The following TCF12 variants were observed in gnomAD, a reference collection of about 807,000 sequenced individuals.
The protein encoded by TCF12 is DNA-binding protein HTF4.
A neutral mutation model predicts 86.0 loss-of-function variants in TCF12; 45 were observed. The observed-to-expected ratio is 0.52, with a 90% confidence interval of 0.41 to 0.67. The LOEUF is 0.67. TCF12 is among the 30% of genes least tolerant of loss of function. TCF12 has a pLI of 0.00. For missense variants in TCF12, 881 were observed against 859.9 expected (o/e 1.02, Z -0.31); for synonymous variants, 330 against 299.6 (o/e 1.10, Z -1.05).
rs71478620 is a variant in TCF12 at position 57,241,196 on chromosome 15, C to T, written c.1036-2276C>T. Among the ~76,000 whole-genome samples the T allele has an allele frequency of 9.3e-4, 141 of 151,992 alleles. 1 individual carries two copies. The highest frequency in any genetic ancestry group is 3.4e-3 in the Middle Eastern group (1 of 294). On this transcript the variant is annotated intron_variant, in intron 12 of 20. Transcript: ENST00000333725. ...GAAACCTCCACCTCCCAGATTCAAGCGATTCTCCTGCCTCAGACCCCGCGA... is the reference window on the plus strand; with the variant it reads ...GAAACCTCCACCTCCCAGATTCAAGTGATTCTCCTGCCTCAGACCCCGCGA...
chr15:57,148,519 G>T (rs2053525995), intron 5 of TCF12, among the ~76,000 whole-genome samples: 1 of 151,926 alleles, frequency 6.6e-6, no homozygotes, highest in African/African-American at 2.4e-5. Flanking sequence ...TCAGTGGGAG[G>T]GAACTTGGAA....
rs1481613947 is a variant in TCF12, at chr15:57,288,436, T to A, written c.*2291T>A. ...CAGCAGCAAGAAGTTCAAATTTTTT[T>A]CTGTCACTGTAACAGAAAACACAAT... is the stretch of plus-strand genomic sequence containing the variant. On this transcript the variant is annotated 3_prime_UTR_variant, in exon 21 of 21. Transcript: ENST00000333725. 6.5e-6 allele frequency: 1 copy of A among 152,676 alleles called. No homozygotes were observed. The highest frequency in any genetic ancestry group is 1.5e-5 in the Non-Finnish European group (1 of 68,044). The allele number at this position is 152,676 out of a possible 1,614,324, so 9.5% of individuals were successfully genotyped here.
intron 6 of TCF12, among the ~76,000 whole-genome samples, chr15:57,188,603 A>G (rs2056811139): frequency 6.6e-6 from 1 of 152,200 alleles, no homozygotes; most frequent in African/African-American, 2.4e-5. Flanking sequence ...CATATAGACC[A>G]ATGGGATAGA....
intron 3 of TCF12, among the ~76,000 whole-genome samples, chr15:56,930,514 A>T (rs183021598): frequency 1.3e-5 from 2 of 152,294 alleles, no homozygotes; most frequent in Non-Finnish European, 2.9e-5. Context: ...ACATACTCGG[A>T]TTTTAGAAAA....
At chr15:57,061,645 A>G (rs1371892776) in intron 3 of TCF12, among the ~76,000 whole-genome samples, 1 of 152,190 alleles carries the variant, frequency 6.6e-6, no homozygotes, top group African/African-American at 2.4e-5. Context: ...CCTCATATTT[A>G]TTAGTCATTT....
chr15:57,121,169 G>A (rs2051201043), intron 5 of TCF12, among the ~76,000 whole-genome samples: 1 of 152,156 alleles, frequency 6.6e-6, no homozygotes, highest in Non-Finnish European at 1.5e-5. Context: ...TACCAGTGAG[G>A]CTACATGACT....
intron 3 of TCF12, among the ~76,000 whole-genome samples, chr15:56,953,893 T>TC (rs1291925271): frequency 2.0e-5 from 3 of 149,730 alleles, no homozygotes; most frequent in African/African-American, 4.9e-5. Context: ...TTTTTTTTTT[T>TC]CTCTATTTTT....
chr15:56,920,888 G>C, intron 2 of TCF12, 138 bp from the exon 3 acceptor site: 1 of 571,966 alleles, frequency 1.7e-6, no homozygotes, highest in Non-Finnish European at 3.0e-6. Flanking sequence ...TTGCCTCTCT[G>C]GATCTGAATG....
chr15:57,092,913 G>T (rs1187726813), intron 5 of TCF12, among the ~76,000 whole-genome samples: 2 of 152,104 alleles, frequency 1.3e-5, no homozygotes, highest in Non-Finnish European at 2.9e-5. Flanking sequence ...AATCCTGGTG[G>T]TCTGCAATTT....
intron 3 of TCF12, among the ~76,000 whole-genome samples, chr15:57,020,094 C>T (rs1676405334): frequency 6.6e-6 from 1 of 152,128 alleles, no homozygotes; most frequent in African/African-American, 2.4e-5. Context: ...TTTGCAAAGG[C>T]GATTTCACAT....
intron 18 of TCF12, among the ~76,000 whole-genome samples, chr15:57,269,860 C>G (rs537944714): frequency 2.0e-5 from 3 of 152,152 alleles, no homozygotes; most frequent in Non-Finnish European, 4.4e-5. Flanking sequence ...AAATTCTTTT[C>G]TTTAAGAATG....
At chr15:56,918,484 C>T (rs1436958135), upstream of TCF12, 6 of 321,298 alleles carry the variant, frequency 1.9e-5, no homozygotes, top group Non-Finnish European at 3.7e-5. Flanking sequence ...TCCCGCCTCA[C>T]CCGACCGCGG....
chr15:57,264,376 G>GT (rs1162219615), intron 18 of TCF12, among the ~76,000 whole-genome samples: 2 of 150,796 alleles, frequency 1.3e-5, no homozygotes, highest in African/African-American at 4.9e-5. Context: ...AATTTTTGTA[G>GT]TTTTAGTGGA....
intron 5 of TCF12, among the ~76,000 whole-genome samples, chr15:57,102,174 T>C (rs906847170): frequency 6.6e-6 from 1 of 152,194 alleles, no homozygotes; most frequent in Non-Finnish European, 1.5e-5. Context: ...ATATCATTGA[T>C]TTGGGGCTAT....
At chr15:57,096,210 C>T (rs192998673) in intron 5 of TCF12, among the ~76,000 whole-genome samples, 105 of 152,186 alleles carry the variant, frequency 6.9e-4, no homozygotes, top group African/African-American at 2.4e-3. Context: ...CAGTTGTTCC[C>T]TCTTAGAAAT....
intron 3 of TCF12, among the ~76,000 whole-genome samples, chr15:57,014,961 G>A (rs1243745989): frequency 6.6e-6 from 1 of 151,456 alleles, no homozygotes; most frequent in Non-Finnish European, 1.5e-5. Flanking sequence ...TGAAGGGTCT[G>A]AGTCTGAGGA....
intron 4 of TCF12, among the ~76,000 whole-genome samples, chr15:57,086,909 T>C (rs1195146076): frequency 6.6e-6 from 1 of 152,130 alleles, no homozygotes; most frequent in African/African-American, 2.4e-5. Context: ...ATTTTTTAAA[T>C]GAGCCGTTTT....
At chr15:57,143,153 C>T (rs1463944306) in intron 5 of TCF12, among the ~76,000 whole-genome samples, 1 of 141,482 alleles carries the variant, frequency 7.1e-6, no homozygotes. Flanking sequence ...TTACGTGCCC[C>T]CCCCCACCAA....
At chr15:56,991,123 G>T (rs188188503) in intron 3 of TCF12, among the ~76,000 whole-genome samples, 69 of 152,230 alleles carry the variant, frequency 4.5e-4, no homozygotes, top group Non-Finnish European at 8.5e-4. Flanking sequence ...ACAAATCTCA[G>T]GGGTTTGCTT....
Sources: gnomAD v4.1 joint callset for allele counts (sites outside exome capture counted in the v4.1 genomes callset) on GRCh38, gnomAD v4.1.1 for gene constraint, MANE v1.5 for transcripts, NCBI Gene and HGNC (gene_info 2026-07-23, HGNC 2026-07-21) for gene names.